NMNAT2: variants seen among roughly 807,000 people sequenced by gnomAD.
The protein encoded by NMNAT2 is nicotinamide nucleotide adenylyltransferase 2.
NMNAT2 carries 11 observed loss-of-function variants against 41.6 expected under a neutral mutation model. The ratio of observed to expected loss-of-function variants is 0.26; its 90% CI spans 0.17 to 0.44. NMNAT2 has a LOEUF of 0.44. Ranked by LOEUF, NMNAT2 falls within the 20% of genes least tolerant of loss-of-function variation. NMNAT2 has a pLI of 1.00. For synonymous variants in NMNAT2, 148 were observed against 151.2 expected (o/e 0.98, Z 0.16); for missense variants, 288 against 407.7 (o/e 0.71, Z 2.53).
intron 4 of NMNAT2, among the ~76,000 whole-genome samples, chr1:183,287,266 T>A (rs538219776): frequency 6.6e-6 from 1 of 152,110 alleles, no homozygotes; most frequent in East Asian, 1.9e-4. Flanking sequence ...TCAAATGAGA[T>A]CATGTCTGCA....
At chr1:183,367,790 A>G (rs1436886513) in intron 1 of NMNAT2, among the ~76,000 whole-genome samples, 2 of 152,206 alleles carry the variant, frequency 1.3e-5, no homozygotes, top group Admixed American at 6.5e-5. Flanking sequence ...ACAAAGATAA[A>G]AATTAAATGA....
chr1:183,314,490 C>G (rs1662197422), intron 1 of NMNAT2, among the ~76,000 whole-genome samples: 1 of 152,208 alleles, frequency 6.6e-6, no homozygotes, highest in Non-Finnish European at 1.5e-5. Context: ...CTTTGCATCC[C>G]CAGCATCTTG....
rs1661605238 is a variant in NMNAT2 at position 183,293,689 on chromosome 1, A to G, written c.174+16T>C. On this transcript the variant is annotated intron_variant, in intron 2 of 10. Coordinates refer to ENST00000287713, the MANE Select transcript of NMNAT2 (RefSeq NM_015039.4). ...GACGGGGATTGAAGAGGAGAGGGGCACAGGAAGGAACCCACCTGTTTTCCA... is the reference window on the plus strand; with the variant it reads ...GACGGGGATTGAAGAGGAGAGGGGCGCAGGAAGGAACCCACCTGTTTTCCA... 6.3e-7 allele frequency: 1 copy of G among 1,592,910 alleles called. No individual in the cohort carries two copies. The highest frequency in any genetic ancestry group is 1.7e-5 in the Admixed American group (1 of 59,974).
At chr1:183,322,153 A>C (rs982186689) in intron 1 of NMNAT2, among the ~76,000 whole-genome samples, 3 of 152,122 alleles carry the variant, frequency 2.0e-5, no homozygotes, top group African/African-American at 7.2e-5. Flanking sequence ...GCCTTTAATA[A>C]CCCTCACATT....
At chr1:183,354,056 A>G (rs1406161248) in intron 1 of NMNAT2, among the ~76,000 whole-genome samples, 1 of 152,196 alleles carries the variant, frequency 6.6e-6, no homozygotes, top group Non-Finnish European at 1.5e-5. Context: ...AAAATTTGAA[A>G]GGGATGCAGA....
At chr1:183,297,037 T>C (rs1661720173) in intron 1 of NMNAT2, among the ~76,000 whole-genome samples, 2 of 151,304 alleles carry the variant, frequency 1.3e-5, no homozygotes, top group South Asian at 2.1e-4. Flanking sequence ...ACTTCTTTAC[T>C]CTCCCTGTCC....
intron 7 of NMNAT2, among the ~76,000 whole-genome samples, chr1:183,279,908 G>A (rs188888746): frequency 2.6e-5 from 4 of 152,326 alleles, no homozygotes; most frequent in Admixed American, 1.3e-4. Context: ...CAGCCCCAGG[G>A]TCTGGCAGAG....
intron 1 of NMNAT2, among the ~76,000 whole-genome samples, chr1:183,354,141 C>T (rs750106379): frequency 5.3e-5 from 8 of 152,156 alleles, no homozygotes; most frequent in African/African-American, 1.2e-4. Context: ...GGTCTTGTTC[C>T]GCATGGCCAG....
chr1:183,273,076 T>A (rs1392899535), intron 8 of NMNAT2, among the ~76,000 whole-genome samples: 2 of 152,232 alleles, frequency 1.3e-5, no homozygotes, highest in Non-Finnish European at 1.5e-5. Context: ...TTGTGCCAAT[T>A]ACCAAGTTTT....
chr1:183,286,634 T>A (rs1327234039), intron 5 of NMNAT2, 28 bp downstream of exon 5: 1 of 1,580,550 alleles, frequency 6.3e-7, no homozygotes, highest in East Asian at 2.3e-5. Flanking sequence ...TTCTGAGGTC[T>A]GAGAATCACA....
intron 1 of NMNAT2, among the ~76,000 whole-genome samples, chr1:183,375,969 A>C (rs1312294269): frequency 6.6e-6 from 1 of 151,936 alleles, no homozygotes; most frequent in Admixed American, 6.6e-5. Flanking sequence ...CTCCCACCAC[A>C]TCTGAAAAGA....
chr1:183,307,158 T>G (rs1298087505), intron 1 of NMNAT2, among the ~76,000 whole-genome samples: 1 of 152,180 alleles, frequency 6.6e-6, no homozygotes, highest in Non-Finnish European at 1.5e-5. Context: ...ATGTTTTTCT[T>G]GGTCTCGCTG....
intron 1 of NMNAT2, among the ~76,000 whole-genome samples, chr1:183,369,759 C>T (rs765338111): frequency 9.3e-4 from 141 of 152,096 alleles, no homozygotes; most frequent in Non-Finnish European, 9.1e-4. Flanking sequence ...AACACGAACT[C>T]CCCATTCCTT....
At chr1:183,363,579 T>TAA (rs1553218836) in intron 1 of NMNAT2, among the ~76,000 whole-genome samples, 3 of 147,482 alleles carry the variant, frequency 2.0e-5, no homozygotes, top group Non-Finnish European at 4.5e-5. Flanking sequence ...CACACACACA[T>TAA]ACACACACAC....
chr1:183,304,594 C>T (rs1486694830), intron 1 of NMNAT2: 5 of 1,362,312 alleles, frequency 3.7e-6, no homozygotes, highest in Non-Finnish European at 5.2e-6. Context: ...AGACAGAATC[C>T]TGTTTTCTTG....
intron 1 of NMNAT2, among the ~76,000 whole-genome samples, chr1:183,390,116 C>G (rs188463495): frequency 6.6e-6 from 1 of 151,948 alleles, no homozygotes; most frequent in African/African-American, 2.4e-5. Context: ...AGCAGTGGTA[C>G]GGGAAGGTGG....
chr1:183,334,501 A>G (rs1276248353), intron 1 of NMNAT2, among the ~76,000 whole-genome samples: 1 of 151,966 alleles, frequency 6.6e-6, no homozygotes, highest in Non-Finnish European at 1.5e-5. Context: ...TGAGTTAGGT[A>G]CAAGGCCACC....
chr1:183,346,955 C>A (rs1390121325), intron 1 of NMNAT2, among the ~76,000 whole-genome samples: 1 of 152,156 alleles, frequency 6.6e-6, no homozygotes, highest in Admixed American at 6.5e-5. Flanking sequence ...TAGAAACCCA[C>A]CCTACTCTTC....
intron 1 of NMNAT2, among the ~76,000 whole-genome samples, chr1:183,348,968 C>T (rs1278551164): frequency 6.6e-6 from 1 of 152,172 alleles, no homozygotes; most frequent in Admixed American, 6.5e-5. Context: ...GAAAAGGACA[C>T]CAAAGTGAAC....
Sources: gnomAD v4.1 joint callset for allele counts (sites outside exome capture counted in the v4.1 genomes callset) on GRCh38, gnomAD v4.1.1 for gene constraint, MANE v1.5 for transcripts, NCBI Gene and HGNC (gene_info 2026-07-23, HGNC 2026-07-21) for gene names.